Variants in CUX2 observed in about 807,000 individuals in gnomAD.
CUX2 encodes the protein cut like homeobox 2, also known as homeobox protein cut-like 2.
A neutral mutation model predicts 144.8 loss-of-function variants in CUX2; 40 were observed. The observed-to-expected ratio is 0.28, with a 90% CI of 0.21 to 0.36. The LOEUF (loss-of-function observed/expected upper bound fraction) is 0.36, where lower values mean the gene tolerates loss of function less well. Among genes scored for constraint, CUX2 ranks in the 10% least tolerant of loss-of-function variants. The pLI is 1.00. For missense variants in CUX2, 1,615 were observed against 1,994.0 expected, an observed-to-expected ratio of 0.81 and a Z score of 3.62; for synonymous variants, 827 against 875.6, an observed-to-expected ratio of 0.94 and a Z score of 0.98.
In CUX2 at chr12:111,348,527, T is replaced by A; in HGVS notation, c.*202T>A. On this transcript the variant is annotated 3_prime_UTR_variant, in exon 22 of 22. Coordinates refer to ENST00000261726, the MANE Select transcript of CUX2 (RefSeq NM_015267.4). Reference sequence around the variant, plus strand: ...TGGGTCAAATGCCATTGCCTCCACTTTTCTGCACCCCCCTGCTCCTCTTCA... The same window carrying A: ...TGGGTCAAATGCCATTGCCTCCACTATTCTGCACCCCCCTGCTCCTCTTCA... The A allele has an allele frequency of 1.7e-6, 1 of 589,894 alleles. No individual in the cohort carries two copies. Among genetic ancestry groups the A allele is most frequent in the East Asian group, 2.9e-5 (1 of 34,480 alleles). The allele number at this position is 589,894 out of a possible 1,614,324, so 36.5% of individuals were successfully genotyped here.
In CUX2 at chr12:111,295,019, T is replaced by C. The variant is rs888621674; in HGVS notation, c.561-314T>C. Among the ~76,000 whole-genome samples, 4 of 152,136 alleles carry C rather than the reference T, an allele frequency of 2.6e-5. No individual in the cohort carries two copies. The highest frequency in any genetic ancestry group is 2.1e-4 in the South Asian group (1 of 4,816). Reference sequence around the variant, plus strand: ...ACTGAGCATGCTTCACAGTACCCCCTGAGGCAGACCCTATCAGAAACCTCA... The same window carrying C: ...ACTGAGCATGCTTCACAGTACCCCCCGAGGCAGACCCTATCAGAAACCTCA... On this transcript the variant is annotated intron_variant, in intron 6 of 21. Coordinates refer to ENST00000261726, the MANE Select transcript of CUX2 (RefSeq NM_015267.4). This position sits in a 1 kb window ranked among gnomAD's most constrained non-coding sequence, Gnocchi z 5.0.
At position 111,210,215 on chromosome 12, in the gene CUX2, A is replaced by G. The variant is rs138590165; in HGVS notation, c.64-3985A>G. Reference sequence around the variant, plus strand: ...TTTTTTCCATTCCTTCAAAATAGATATAGTGCCATGAGCTTTTTAATTTTA... The same window carrying G: ...TTTTTTCCATTCCTTCAAAATAGATGTAGTGCCATGAGCTTTTTAATTTTA... On this transcript the variant is annotated intron_variant, in intron 1 of 21. Coordinates refer to ENST00000261726, the MANE Select transcript of CUX2 (RefSeq NM_015267.4). 5.9e-3 allele frequency among the ~76,000 whole-genome samples: 894 copies of G among 152,342 alleles called. 10 individuals are homozygous for G. Among genetic ancestry groups the G allele is most frequent in the African/African-American group, 0.021 (857 of 41,586 alleles).
chr12:111,089,912 G>A (rs1044189726), intron 1 of CUX2, among the ~76,000 whole-genome samples: 3 of 152,236 alleles, frequency 2.0e-5, no homozygotes, highest in Non-Finnish European at 2.9e-5. Flanking sequence ...GGGCAGATAA[G>A]GAGTTTGGAC....
At chr12:111,153,653 A>C (rs915564304) in intron 1 of CUX2, among the ~76,000 whole-genome samples, 7 of 152,230 alleles carry the variant, frequency 4.6e-5, no homozygotes, top group African/African-American at 1.7e-4. Context: ...ATTATGTGGT[A>C]CATGACTATA....
At chr12:111,090,055 A>C (rs1018361862) in intron 1 of CUX2, among the ~76,000 whole-genome samples, 1 of 152,162 alleles carries the variant, frequency 6.6e-6, no homozygotes, top group Non-Finnish European at 1.5e-5. Context: ...AAGTGGAGGC[A>C]GGGAGGCCAG....
rs1446031356 is a variant in CUX2 at position 111,304,108 on chromosome 12, C to T, written c.754-102C>T. 11 of 885,740 alleles carry T rather than the reference C, an allele frequency of 1.2e-5. No homozygotes were observed. The highest frequency in any genetic ancestry group is 6.3e-5 in the Admixed American group (3 of 47,708). The allele number at this position is 885,740 out of a possible 1,614,324, so 54.9% of individuals were successfully genotyped here. On this transcript the variant is annotated intron_variant, in intron 9 of 21. Coordinates refer to ENST00000261726, the MANE Select transcript of CUX2 (RefSeq NM_015267.4). The surrounding 1 kb of genome is among the most constrained non-coding windows in gnomAD (Gnocchi z 4.7). ...GACTAGGAAGGCAGGACCTGAGGCC[C>T]TCGGAGGTCTGCCTCCCCAACCCCT...
chr12:111,195,139 A>T lies in CUX2; in HGVS notation c.64-19061A>T, dbSNP rs570169067. Among the ~76,000 whole-genome samples the T allele has an allele frequency of 1.3e-4, 20 of 152,294 alleles. 1 individual carries two copies. The South Asian group carries it at 4.2e-3, about 32-fold the overall frequency. Reference sequence around the variant, plus strand: ...GGTCCACGTTCCTCTCATTCAGACAAGGCCTTTTCTGTATTTTGTTTGAAG... The same window carrying T: ...GGTCCACGTTCCTCTCATTCAGACATGGCCTTTTCTGTATTTTGTTTGAAG... On this transcript the variant is annotated intron_variant, in intron 1 of 21. Coordinates refer to ENST00000261726, the MANE Select transcript of CUX2 (RefSeq NM_015267.4).
chr12:111,094,310 C>T (rs1431157404), intron 1 of CUX2, among the ~76,000 whole-genome samples: 1 of 152,184 alleles, frequency 6.6e-6, no homozygotes, highest in Non-Finnish European at 1.5e-5. Context: ...CTGGCCACCT[C>T]ATTGTGGCGG....
chr12:111,300,559 C>T (rs890525156), intron 9 of CUX2, among the ~76,000 whole-genome samples: 3 of 152,200 alleles, frequency 2.0e-5, no homozygotes, highest in African/African-American at 7.2e-5. Flanking sequence ...TGGTGTTCCT[C>T]AGCAGGGTGC....
intron 1 of CUX2, among the ~76,000 whole-genome samples, chr12:111,094,963 C>T (rs78664270): frequency 0.012 from 1,829 of 152,244 alleles, 39 homozygotes; most frequent in African/African-American, 0.041. Flanking sequence ...ACAGAATTGT[C>T]CCCTGGCCCC....
At position 111,171,529 on chromosome 12, in the gene CUX2, G is replaced by A. The variant is rs1005552831; in HGVS notation, c.64-42671G>A. On this transcript the variant is annotated intron_variant, in intron 1 of 21. Coordinates refer to ENST00000261726, the MANE Select transcript of CUX2 (RefSeq NM_015267.4). This position sits in a 1 kb window ranked among gnomAD's most constrained non-coding sequence, Gnocchi z 5.0. ...TGGCTTGTGGGGAAACCCCGGTCCCGTGTCCCTGTGCACGCAGATGGCTAG... is the reference window on the plus strand; with the variant it reads ...TGGCTTGTGGGGAAACCCCGGTCCCATGTCCCTGTGCACGCAGATGGCTAG... Among the ~76,000 whole-genome samples the A allele has an allele frequency of 3.3e-5, 5 of 152,120 alleles. No homozygotes were observed. Among genetic ancestry groups the A allele is most frequent in the South Asian group, 2.1e-4 (1 of 4,828 alleles).
intron 3 of CUX2, among the ~76,000 whole-genome samples, chr12:111,247,171 C>T (rs1883317223): frequency 6.6e-6 from 1 of 152,128 alleles, no homozygotes; most frequent in African/African-American, 2.4e-5. Context: ...CCTCTGGAGC[C>T]CACTGCAGAC....
rs56373637 is a variant in CUX2, at chr12:111,061,894, A to G, written c.63+27654A>G. On this transcript the variant is annotated intron_variant, in intron 1 of 21. Transcript: ENST00000261726. This position sits in a 1 kb window ranked among gnomAD's most constrained non-coding sequence, Gnocchi z 4.2. ...CAGGCTTTAGAGTCAGGCACAGTCA[A>G]GTTCAAATTCTGCCCCTGCCAATAA... Among the ~76,000 whole-genome samples the G allele has an allele frequency of 0.088, 13,389 of 152,216 alleles. 1,955 individuals are homozygous for G. The highest frequency in any genetic ancestry group is 0.31 in the African/African-American group (12,695 of 41,480).
chr12:111,169,256 C>A (rs1878357772), intron 1 of CUX2, among the ~76,000 whole-genome samples: 1 of 152,122 alleles, frequency 6.6e-6, no homozygotes, highest in Non-Finnish European at 1.5e-5. Flanking sequence ...TGGCCGCGAC[C>A]ACCAGCAGCT....
At chr12:111,157,169 G>C (rs1877448047) in intron 1 of CUX2, among the ~76,000 whole-genome samples, 1 of 150,222 alleles carries the variant, frequency 6.7e-6, no homozygotes, top group Non-Finnish European at 1.5e-5. Flanking sequence ...CTTTGAGGGA[G>C]GCTGCATTTT....
chr12:111,105,461 G>T (rs570727764), intron 1 of CUX2, among the ~76,000 whole-genome samples: 2 of 152,262 alleles, frequency 1.3e-5, no homozygotes, highest in Non-Finnish European at 2.9e-5. Context: ...TCAGGAGAGG[G>T]CTAGTGTGGG....
chr12:111,347,785 T>G lies in CUX2; in HGVS notation c.3921T>G (p.Ala1307=). 6.2e-7 allele frequency: 1 copy of G among 1,612,912 alleles called. No individual in the cohort carries two copies. The highest frequency in any genetic ancestry group is 2.2e-5 in the East Asian group (1 of 44,802). ...RIKQEQMEED[A]EEEAGSQPQD... is the part of the protein sequence containing the mutation. ...AGCAGGAACAGATGGAGGAGGATGCTGAGGAAGAGGCAGGCAGCCAGCCCC... is the reference window on the plus strand; with the variant it reads ...AGCAGGAACAGATGGAGGAGGATGCGGAGGAAGAGGCAGGCAGCCAGCCCC... The change falls in exon 22 of 22, where the codon GCT becomes GCG. Residue 1307 remains alanine (A), a synonymous_variant. Transcript: ENST00000261726.
rs1886498606 is a variant in CUX2 at position 111,304,923 on chromosome 12, C to T, written c.858+609C>T. 6.6e-6 allele frequency among the ~76,000 whole-genome samples: 1 copy of T among 152,216 alleles called. No homozygotes were observed. Among genetic ancestry groups the T allele is most frequent in the Non-Finnish European group, 1.5e-5 (1 of 68,046 alleles). On this transcript the variant is annotated intron_variant, in intron 10 of 21. Coordinates refer to ENST00000261726, the MANE Select transcript of CUX2 (RefSeq NM_015267.4). This position sits in a 1 kb window ranked among gnomAD's most constrained non-coding sequence, Gnocchi z 4.7. ...ACCAAGATAAAATTTAACATTCATA[C>T]TCAGCCATTGGTTTCCAAAGCATGC...
intron 3 of CUX2, among the ~76,000 whole-genome samples, chr12:111,249,437 CTTTTTTTGTT>C (rs1883455480): frequency 4.0e-5 from 4 of 101,212 alleles, no homozygotes; most frequent in African/African-American, 2.1e-4. Context: ...TTAATAGACC[CTTTTTTTGTT>C]TTTTTTTTTT....
Sources: gnomAD v4.1 joint callset for allele counts (sites outside exome capture counted in the v4.1 genomes callset) on GRCh38, gnomAD v4.1.1 for gene constraint, Gnocchi (gnomAD v3.1) non-coding constraint, MANE v1.5 for transcripts, NCBI Gene and HGNC (gene_info 2026-07-23, HGNC 2026-07-21) for gene names.